The following LYST variants were observed in gnomAD, a reference collection of about 807,000 sequenced individuals.
LYST encodes the protein lysosomal-trafficking regulator.
LYST carries 192 observed loss-of-function variants against 413.6 expected under a neutral mutation model. The observed-to-expected ratio is 0.46, with a 90% confidence interval of 0.41 to 0.52. The LOEUF is 0.52. Ranked by LOEUF, LYST falls within the 20% of genes least tolerant of loss-of-function variation. LYST has a pLI of 0.00. For missense variants in LYST, 3,815 were observed against 4,499.9 expected, an observed-to-expected ratio of 0.85 and a Z score of 4.35; for synonymous variants, 1,525 against 1,567.3, an observed-to-expected ratio of 0.97 and a Z score of 0.64.
At chr1:235,867,516 TTC>T, upstream of LYST, among the ~76,000 whole-genome samples, 2 of 137,570 alleles carry the variant, frequency 1.5e-5, no homozygotes, top group Admixed American at 1.4e-4. Context: ...GCAGAAGTAA[TTC>T]AGTGCAGTGG....
chr1:235,666,671 A>G (rs2103014003), intron 50 of LYST, among the ~76,000 whole-genome samples: 1 of 152,034 alleles, frequency 6.6e-6, no homozygotes. Context: ...CCATTGTAGA[A>G]CATTGATTAT....
intron 1 of LYST, among the ~76,000 whole-genome samples, chr1:235,844,911 A>C (rs1002523762): frequency 6.6e-6 from 1 of 152,190 alleles, no homozygotes; most frequent in Non-Finnish European, 1.5e-5. Flanking sequence ...CTTTTTAGTC[A>C]ATACTAGATG....
chr1:235,779,896 C>A (rs1669673084), intron 16 of LYST, among the ~76,000 whole-genome samples: 1 of 152,146 alleles, frequency 6.6e-6, no homozygotes. Flanking sequence ...AACCCAGTTT[C>A]ATGGCCAGAT....
intron 31 of LYST, chr1:235,737,624 T>G (rs1664931152): frequency 6.6e-6 from 1 of 152,440 alleles, no homozygotes; most frequent in Non-Finnish European, 1.5e-5. Context: ...TATTAACTTG[T>G]TAAAATGAAA....
intron 44 of LYST, among the ~76,000 whole-genome samples, chr1:235,706,385 C>T (rs1273440438): frequency 6.6e-6 from 1 of 152,154 alleles, no homozygotes; most frequent in Non-Finnish European, 1.5e-5. Flanking sequence ...CAAACAGGTC[C>T]TGCTATTCCC....
At chr1:235,671,738 A>C (rs1368393909) in intron 50 of LYST, among the ~76,000 whole-genome samples, 1 of 152,260 alleles carries the variant, frequency 6.6e-6, no homozygotes, top group African/African-American at 2.4e-5. Flanking sequence ...AAGAATAGTA[A>C]GAAGTGACAT....
Position 235,711,924 on chromosome 1 carries a change from A to G in LYST, c.9925+133T>C, listed in dbSNP as rs934757823. ...TATTTGAAAATAGAATTATATACTT[A>G]ATAAAAAACATTTTCTCTTATTTGG... On this transcript the variant is annotated intron_variant, in intron 43 of 52. Transcript: ENST00000389793. The G allele has an allele frequency of 1.5e-5, 9 of 598,804 alleles. 1 individual carries two copies. Among genetic ancestry groups the G allele is most frequent in the Admixed American group, 1.3e-4 (4 of 30,780 alleles). 37.1% of individuals were successfully genotyped at this position (598,804 alleles called of 1,614,324 possible).
At chr1:235,844,303 G>T (rs773598539) in intron 1 of LYST, among the ~76,000 whole-genome samples, 7 of 152,098 alleles carry the variant, frequency 4.6e-5, no homozygotes, top group Non-Finnish European at 8.8e-5. Context: ...TTTCATAAAT[G>T]ACATGAATAA....
chr1:235,671,979 G>A (rs1658978512), intron 50 of LYST, among the ~76,000 whole-genome samples: 1 of 152,216 alleles, frequency 6.6e-6, no homozygotes, highest in Admixed American at 6.5e-5. Flanking sequence ...GAAGTTAGAA[G>A]TTAGATTCAG....
At chr1:235,776,979 G>A (rs148595284) in intron 17 of LYST, 84 bp downstream of exon 17, 48 of 1,231,546 alleles carry the variant, frequency 3.9e-5, no homozygotes, top group Admixed American at 3.8e-4. Context: ...TAGCTTTTTC[G>A]TGTGGTCCAA....
At chr1:235,881,671 A>G (rs1681381639) in intron 1 of LYST, among the ~76,000 whole-genome samples, 1 of 152,216 alleles carries the variant, frequency 6.6e-6, no homozygotes, top group Admixed American at 6.5e-5. Flanking sequence ...ATATATATGC[A>G]ATGGAATATT....
intron 45 of LYST, among the ~76,000 whole-genome samples, chr1:235,698,342 A>T (rs1472617485): frequency 6.6e-6 from 1 of 152,204 alleles, no homozygotes; most frequent in Admixed American, 6.5e-5. Context: ...ACTATCTTTT[A>T]AAAAAATCGT....
chr1:235,707,955 C>A (rs1159455126), intron 44 of LYST, among the ~76,000 whole-genome samples: 1 of 152,044 alleles, frequency 6.6e-6, no homozygotes, highest in African/African-American at 2.4e-5. Flanking sequence ...TGATATGCTC[C>A]AATGAGCATT....
At chr1:235,798,175 T>C (rs924221485) in intron 10 of LYST, among the ~76,000 whole-genome samples, 4 of 152,242 alleles carry the variant, frequency 2.6e-5, no homozygotes, top group South Asian at 2.1e-4. Flanking sequence ...TCTGAGAAAC[T>C]GTTACAGTCA....
chr1:235,862,773 G>T (rs1278615739), intron 1 of LYST, among the ~76,000 whole-genome samples: 1 of 150,624 alleles, frequency 6.6e-6, no homozygotes, highest in Non-Finnish European at 1.5e-5. Context: ...TCTGGCCTGG[G>T]CAACACAGCA....
At chr1:235,670,040 G>C (rs1658804373) in intron 50 of LYST, among the ~76,000 whole-genome samples, 1 of 152,104 alleles carries the variant, frequency 6.6e-6, no homozygotes, top group African/African-American at 2.4e-5. Flanking sequence ...AGCTCCCTTG[G>C]TCTTTCTTGC....
chr1:235,755,350 T>C (rs867212665), intron 25 of LYST, 128 bp downstream of exon 25: 34 of 857,538 alleles, frequency 4.0e-5, no homozygotes, highest in Middle Eastern at 2.8e-4. Context: ...GATTGCACCA[T>C]TGCACTCCAG....
intron 45 of LYST, among the ~76,000 whole-genome samples, chr1:235,697,690 C>T (rs1385394883): frequency 6.6e-6 from 1 of 152,238 alleles, no homozygotes; most frequent in Non-Finnish European, 1.5e-5. Context: ...AAACCTCACT[C>T]AGCTATGAGC....
rs745358946 is a variant in LYST, at chr1:235,716,715, G to A, written c.9624C>T (p.Tyr3208=). 73 of 1,580,732 alleles carry A rather than the reference G, an allele frequency of 4.6e-5. 1 individual carries two copies. Among genetic ancestry groups the A allele is most frequent in the Non-Finnish European group, 8.7e-7 (1 of 1,150,604 alleles). Reference sequence around the variant, plus strand: ...TACGAGTAAAAACAAAAGCTACCTTGTATGTGTCCACATAACGATCTTCTT... The same window carrying A: ...TACGAGTAAAAACAAAAGCTACCTTATATGTGTCCACATAACGATCTTCTT... ...KEKEDRYVDT[Y]KYLEEEYRKG... is the part of the protein sequence containing the mutation. Residue 3208 remains tyrosine (Y), a synonymous_variant, in exon 41 of 53, where the codon TAC becomes TAT. Coordinates refer to ENST00000389793, the MANE Select transcript of LYST (RefSeq NM_000081.4).
Sources: gnomAD v4.1 joint callset for allele counts (sites outside exome capture counted in the v4.1 genomes callset) on GRCh38, gnomAD v4.1.1 for gene constraint, MANE v1.5 for transcripts, NCBI Gene and HGNC (gene_info 2026-07-23, HGNC 2026-07-21) for gene names.